The following SRRM3 variants were observed in gnomAD, a reference collection of about 807,000 sequenced individuals.
The protein encoded by SRRM3 is serine/arginine repetitive matrix 3.
A neutral mutation model predicts 66.2 loss-of-function variants in SRRM3; 27 were observed. The ratio of observed to expected loss-of-function variants is 0.41; its 90% CI spans 0.30 to 0.56. The LOEUF is 0.56. Ranked by LOEUF, SRRM3 falls within the 20% of genes least tolerant of loss-of-function variation. The probability of loss-of-function intolerance (pLI) is 0.32; values close to 1 mark genes in which losing one functional copy is unlikely to be tolerated. For synonymous variants in SRRM3, 391 were observed against 414.9 expected (o/e 0.94, Z 0.70); for missense variants, 918 against 991.9 (o/e 0.93, Z 1.00).
At chr7:76,247,840 G>A (rs372405386) in intron 2 of SRRM3, among the ~76,000 whole-genome samples, 2 of 152,034 alleles carry the variant, frequency 1.3e-5, no homozygotes, top group Non-Finnish European at 2.9e-5. Flanking sequence ...GATTGCAGGC[G>A]CCCACCACCA....
rs868944839 is a variant in SRRM3, at chr7:76,266,572, C to T, written c.831-686C>T. ...ATATATTAAATATATAATATATAAA[C>T]ATTTATATATTATATATTTTATATA... On this transcript the variant is annotated intron_variant, in intron 10 of 14. Transcript: ENST00000611745. Among the ~76,000 whole-genome samples, 98 of 103,548 alleles carry T rather than the reference C, an allele frequency of 9.5e-4. 1 individual carries two copies. The highest frequency in any genetic ancestry group is 4.2e-3 in the East Asian group (17 of 4,086). 67.9% of individuals were successfully genotyped at this position (103,548 alleles called of 152,430 possible).
At chr7:76,281,940 A>G (rs1583946138) in intron 12 of SRRM3, 138 bp downstream of exon 12, 1 of 456,022 alleles carries the variant, frequency 2.2e-6, no homozygotes, top group African/African-American at 4.1e-5. Context: ...CCACCGAGCT[A>G]CCCCCATGGA....
chr7:76,236,646 C>T (rs1801160942), intron 2 of SRRM3, among the ~76,000 whole-genome samples: 1 of 152,190 alleles, frequency 6.6e-6, no homozygotes, highest in South Asian at 2.1e-4. Context: ...GGCGGGGGGC[C>T]AAGGCGGAGC....
intron 3 of SRRM3, among the ~76,000 whole-genome samples, chr7:76,252,406 A>G (rs1371298720): frequency 6.6e-6 from 1 of 152,110 alleles, no homozygotes; most frequent in Non-Finnish European, 1.5e-5. Context: ...ACTGTAACCT[A>G]CGCTTCCCGG....
chr7:76,246,577 T>TA (rs1322095899), intron 2 of SRRM3, among the ~76,000 whole-genome samples: 16 of 151,614 alleles, frequency 1.1e-4, no homozygotes, highest in African/African-American at 3.1e-4. Flanking sequence ...AAATAAAAAT[T>TA]AAAAAAAAGA....
intron 1 of SRRM3, among the ~76,000 whole-genome samples, chr7:76,220,001 C>T (rs782047275): frequency 3.3e-5 from 5 of 152,210 alleles, no homozygotes; most frequent in Non-Finnish European, 7.3e-5. Context: ...TCAGCATGCA[C>T]ATAGTCTAGG....
intron 11 of SRRM3, among the ~76,000 whole-genome samples, chr7:76,271,321 T>G (rs1214908591): frequency 2.6e-5 from 4 of 151,714 alleles, no homozygotes; most frequent in East Asian, 1.9e-4. Flanking sequence ...TATATATATA[T>G]TTTTAATCAG....
intron 9 of SRRM3, 59 bp from the exon 10 acceptor site, chr7:76,265,305 C>A: frequency 1.5e-6 from 2 of 1,362,338 alleles, no homozygotes; most frequent in Non-Finnish European, 2.0e-6. Context: ...AACTTGGGGG[C>A]TGGGGGGATC....
At chr7:76,219,782 C>G (rs569872990) in intron 1 of SRRM3, among the ~76,000 whole-genome samples, 1 of 152,094 alleles carries the variant, frequency 6.6e-6, no homozygotes, top group African/African-American at 2.4e-5. Context: ...TGGTGGCACA[C>G]GCCTGTAATC....
At chr7:76,251,346 C>G (rs73371696) in intron 3 of SRRM3, among the ~76,000 whole-genome samples, 5,066 of 151,338 alleles carry the variant, frequency 0.033, 175 homozygotes, top group African/African-American at 0.095. Context: ...AGGCTGGGTA[C>G]GGTGGATCAC....
In SRRM3 at chr7:76,235,365, GA is replaced by G. The variant is rs1182963558; in HGVS notation, c.233+67del. On this transcript the variant is annotated intron_variant, in intron 2 of 14. Transcript: ENST00000611745. ...CGGGGCGAGGGTGGGAGAAGCGAGT[GA>G]TGCTGCACGTGGGCGTGGCGAACGT... 7 of 1,329,184 alleles carry G rather than the reference GA, an allele frequency of 5.3e-6. No homozygotes were observed. In the East Asian group the frequency reaches 1.9e-4, roughly 36 times the overall value. The allele number at this position is 1,329,184 out of a possible 1,614,324, so 82.3% of individuals were successfully genotyped here.
chr7:76,232,857 C>G lies in SRRM3; in HGVS notation c.-39-2171C>G, dbSNP rs542605283. ...TGACATGGTCTAATTTGCTCCTGGA[C>G]CCGTCTGCCAAGTTGCCAATGGAGG... On this transcript the variant is annotated intron_variant, in intron 1 of 14. Coordinates refer to ENST00000611745, the MANE Select transcript of SRRM3 (RefSeq NM_001110199.3). Among the ~76,000 whole-genome samples the G allele has an allele frequency of 2.2e-3, 337 of 151,970 alleles. 2 individuals are homozygous for G. The highest frequency in any genetic ancestry group is 3.6e-3 in the Non-Finnish European group (247 of 67,952).
At chr7:76,244,749 A>G (rs1010691129) in intron 2 of SRRM3, among the ~76,000 whole-genome samples, 3 of 152,094 alleles carry the variant, frequency 2.0e-5, no homozygotes, top group Admixed American at 1.3e-4. Context: ...CTGAACCCCT[A>G]TGGTAGCGCA....
At chr7:76,284,458 G>A (rs764830044) in intron 14 of SRRM3, among the ~76,000 whole-genome samples, 90 of 152,248 alleles carry the variant, frequency 5.9e-4, no homozygotes, top group Non-Finnish European at 9.3e-4. Flanking sequence ...GATTATAGGC[G>A]TGAGCCCCCG....
chr7:76,229,022 C>T (rs752115621), intron 1 of SRRM3, among the ~76,000 whole-genome samples: 31 of 151,720 alleles, frequency 2.0e-4, no homozygotes, highest in South Asian at 2.1e-4. Flanking sequence ...CCTCAGCCTC[C>T]GGAGTAGCTG....
chr7:76,217,533 C>T (rs1554602718), intron 1 of SRRM3, among the ~76,000 whole-genome samples: 1 of 152,176 alleles, frequency 6.6e-6, no homozygotes, highest in South Asian at 2.1e-4. Context: ...GATCCACCCA[C>T]CTCGGCCTCC....
At chr7:76,265,520 G>C in intron 10 of SRRM3, 52 bp downstream of exon 10, 10 of 1,445,206 alleles carry the variant, frequency 6.9e-6, no homozygotes, top group Non-Finnish European at 9.6e-6. Flanking sequence ...GAGGGTTGCA[G>C]ATTAAACACC....
At chr7:76,247,875 A>G (rs574921662) in intron 2 of SRRM3, among the ~76,000 whole-genome samples, 1 of 152,112 alleles carries the variant, frequency 6.6e-6, no homozygotes, top group East Asian at 1.9e-4. Context: ...TTGTATTTTT[A>G]GTAGAGACAG....
In SRRM3 at chr7:76,231,562, CCGCGCCTTCG is replaced by C. The variant is rs555758697; in HGVS notation, c.-39-3462_-39-3453del. Among the ~76,000 whole-genome samples, 17 of 152,372 alleles carry C rather than the reference CCGCGCCTTCG, an allele frequency of 1.1e-4. No homozygotes were observed. In the South Asian group the frequency reaches 3.3e-3, roughly 30 times the overall value. ...ACAGCATGGCTCCCAGGGCTCTCAC[CCGCGCCTTCG>C]CGCTCTCTCCACACCTTCAGCGCGC... On this transcript the variant is annotated intron_variant, in intron 1 of 14. Transcript: ENST00000611745.
Sources: gnomAD v4.1 joint callset for allele counts (sites outside exome capture counted in the v4.1 genomes callset) on GRCh38, gnomAD v4.1.1 for gene constraint, MANE v1.5 for transcripts, NCBI Gene and HGNC (gene_info 2026-07-23, HGNC 2026-07-21) for gene names.